Variants in NHLRC2 observed in about 807,000 individuals in gnomAD.
NHLRC2 encodes the protein NHL repeat containing 2.
A neutral mutation model predicts 68.1 loss-of-function variants in NHLRC2; 33 were observed. That is an observed-to-expected ratio of 0.48 (90% CI 0.37 to 0.65). The LOEUF is 0.65. NHLRC2 is among the 30% of genes least tolerant of loss of function. The pLI is 0.00. For synonymous variants in NHLRC2, 311 were observed against 309.6 expected, an observed-to-expected ratio of 1.00 and a Z score of -0.05; for missense variants, 761 against 853.8, an observed-to-expected ratio of 0.89 and a Z score of 1.35.
chr10:113,896,744 T>C (rs533745490), intron 5 of NHLRC2, among the ~76,000 whole-genome samples: 2 of 152,034 alleles, frequency 1.3e-5, no homozygotes, highest in Non-Finnish European at 2.9e-5. Flanking sequence ...CCTGTAATCC[T>C]AGCACTTTGG....
chr10:113,915,127 T>TTTGCCTGG lies in NHLRC2; in HGVS notation c.*6595_*6602dup, dbSNP rs1309516606. 2.2e-6 allele frequency: 1 copy of TTTGCCTGG among 456,310 alleles called. No homozygotes were observed. Among genetic ancestry groups the TTTGCCTGG allele is most frequent in the South Asian group, 1.5e-5 (1 of 64,568 alleles). The allele number at this position is 456,310 out of a possible 1,614,324, so 28.3% of individuals were successfully genotyped here. The stretch of plus-strand genomic sequence containing the variant: ...AACCCTAGACACTTGCTGTGGAATG[T>TTTGCCTGG]TTGCCTGGTTGTATTGGTGTGTCCC... On this transcript the variant is annotated 3_prime_UTR_variant, in exon 11 of 11. Transcript: ENST00000369301.
intron 2 of NHLRC2, among the ~76,000 whole-genome samples, chr10:113,860,662 G>A (rs1256510415): frequency 6.6e-6 from 1 of 151,992 alleles, no homozygotes; most frequent in Non-Finnish European, 1.5e-5. Context: ...TAACTAAAGG[G>A]AAATATGGAA....
At position 113,908,685 on chromosome 10, in the gene NHLRC2, A is replaced by G. The variant is rs1437291456; in HGVS notation, c.*149A>G. The G allele has an allele frequency of 8.7e-6, 6 of 688,072 alleles. No homozygotes were observed. Among genetic ancestry groups the G allele is most frequent in the African/African-American group, 1.8e-5 (1 of 55,512 alleles). 42.6% of individuals were successfully genotyped at this position (688,072 alleles called of 1,614,324 possible). A position where few individuals can be genotyped will look rare whatever the true frequency, so the allele number is the denominator to read the frequency against. On this transcript the variant is annotated 3_prime_UTR_variant, in exon 11 of 11. Transcript: ENST00000369301. ...AGACAACTGATATTAAAATAAAGCT[A>G]TGCTCCTTACTTACTTCTTTTATTA...
intron 2 of NHLRC2, among the ~76,000 whole-genome samples, chr10:113,862,552 C>T (rs188207658): frequency 2.5e-4 from 38 of 150,826 alleles, no homozygotes; most frequent in African/African-American, 9.2e-4. Flanking sequence ...AAACAAATAG[C>T]CAAATGACAG....
At chr10:113,895,850 T>C (rs188623890) in intron 5 of NHLRC2, among the ~76,000 whole-genome samples, 9 of 152,284 alleles carry the variant, frequency 5.9e-5, no homozygotes, top group Admixed American at 5.9e-4. Flanking sequence ...CACATTACCA[T>C]AGGAGTAATT....
At chr10:113,890,960 C>T (rs566960629) in intron 5 of NHLRC2, among the ~76,000 whole-genome samples, 36 of 152,046 alleles carry the variant, frequency 2.4e-4, no homozygotes, top group Non-Finnish European at 4.1e-4. Flanking sequence ...GGGGGAAGTG[C>T]CAGACAGTTA....
chr10:113,862,213 A>G (rs1405543020), intron 2 of NHLRC2, among the ~76,000 whole-genome samples: 1 of 152,116 alleles, frequency 6.6e-6, no homozygotes, highest in East Asian at 1.9e-4. Flanking sequence ...TAATGCATTA[A>G]AGTAATTATT....
intron 5 of NHLRC2, among the ~76,000 whole-genome samples, 174 bp downstream of exon 5, chr10:113,884,554 A>G (rs1348107486): frequency 1.3e-5 from 2 of 151,302 alleles, no homozygotes; most frequent in Middle Eastern, 3.2e-3. Flanking sequence ...TAATATAGAT[A>G]TATATATACT....
intron 3 of NHLRC2, among the ~76,000 whole-genome samples, chr10:113,877,632 T>C (rs753199648): frequency 6.6e-6 from 1 of 152,180 alleles, no homozygotes; most frequent in Admixed American, 6.5e-5. Flanking sequence ...ACTGAGTACA[T>C]TCTTATTAAT....
Position 113,855,116 on chromosome 10 carries a change from C to T in NHLRC2, c.178+66C>T, listed in dbSNP as rs1383193171. 9 of 1,402,534 alleles carry T rather than the reference C, an allele frequency of 6.4e-6. No individual in the cohort carries two copies. The African/African-American group carries it at 7.2e-5, about 11-fold the overall frequency. 86.9% of individuals were successfully genotyped at this position (1,402,534 alleles called of 1,614,324 possible). A position where few individuals can be genotyped will look rare whatever the true frequency, so the allele number is the denominator to read the frequency against. ...TCCCCTTCCTCGGGGACGGCGCCCT[C>T]CCGCGAAGCGGTGGGCTAGGCGGGT... On this transcript the variant is annotated intron_variant, in intron 1 of 10. Transcript: ENST00000369301.
In NHLRC2 at chr10:113,916,577, G is replaced by C. The variant is rs1310980894; in HGVS notation, c.*8041G>C. 6.6e-6 allele frequency: 1 copy of C among 152,110 alleles called. No individual in the cohort carries two copies. Among genetic ancestry groups the C allele is most frequent in the African/African-American group, 2.4e-5 (1 of 41,408 alleles). 9.4% of individuals were successfully genotyped at this position (152,110 alleles called of 1,614,324 possible). ...TTCTCACTGTTAAGTTGCATTGAGA[G>C]ACAATTAGAAATGTTGTAATTGTCA... On this transcript the variant is annotated 3_prime_UTR_variant, in exon 11 of 11. Transcript: ENST00000369301.
rs574800618 is a variant in NHLRC2 at position 113,864,714 on chromosome 10, A to G, written c.331+6034A>G. Among the ~76,000 whole-genome samples, 7 of 150,806 alleles carry G rather than the reference A, an allele frequency of 4.6e-5. No homozygotes were observed. In the East Asian group the frequency reaches 7.8e-4, roughly 17 times the overall value. ...CCGTCTAAAAAAAAAAAAAAACCAC[A>G]CACACACACAAAAATGGGTTTTTAA... On this transcript the variant is annotated intron_variant, in intron 2 of 10. Transcript: ENST00000369301.
At position 113,903,484 on chromosome 10, in the gene NHLRC2, G is replaced by A. The variant is rs770067873; in HGVS notation, c.1495-43G>A. The A allele has an allele frequency of 1.6e-5, 19 of 1,212,944 alleles. No individual in the cohort carries two copies. In the Admixed American group the frequency reaches 3.1e-4, roughly 20 times the overall value. The allele number at this position is 1,212,944 out of a possible 1,614,324, so 75.1% of individuals were successfully genotyped here. On this transcript the variant is annotated intron_variant, in intron 8 of 10. Coordinates refer to ENST00000369301, the MANE Select transcript of NHLRC2 (RefSeq NM_198514.4). Reference sequence around the variant, plus strand: ...ATACTCTTCCATACAACAAACATGAGATTGATCTTCAGTTATATAAGTTTT... The same window carrying A: ...ATACTCTTCCATACAACAAACATGAAATTGATCTTCAGTTATATAAGTTTT...
chr10:113,888,285 C>T (rs1030811038), intron 5 of NHLRC2, among the ~76,000 whole-genome samples: 4 of 152,206 alleles, frequency 2.6e-5, no homozygotes, highest in Admixed American at 1.3e-4. Flanking sequence ...GTGTATTTCA[C>T]AGCTGCTAAA....
chr10:113,888,505 A>G (rs1484491328), intron 5 of NHLRC2, among the ~76,000 whole-genome samples: 1 of 152,212 alleles, frequency 6.6e-6, no homozygotes, highest in East Asian at 1.9e-4. Context: ...TTTTAAATCT[A>G]CATGTAGTAT....
rs1172269890 is a variant in NHLRC2, at chr10:113,908,875, A to C, written c.*339A>C. The stretch of plus-strand genomic sequence containing the variant: ...TAAATACTGATAATAATAATACCAG[A>C]TATTTTAACTAACTTTTTCTACCTT... On this transcript the variant is annotated 3_prime_UTR_variant, in exon 11 of 11. Coordinates refer to ENST00000369301, the MANE Select transcript of NHLRC2 (RefSeq NM_198514.4). 5.2e-6 allele frequency: 1 copy of C among 191,684 alleles called. No homozygotes were observed. The highest frequency in any genetic ancestry group is 1.1e-5 in the Non-Finnish European group (1 of 93,094). The allele number at this position is 191,684 out of a possible 1,614,324, so 11.9% of individuals were successfully genotyped here. A position where few individuals can be genotyped will look rare whatever the true frequency, so the allele number is the denominator to read the frequency against.
Position 113,879,576 on chromosome 10 carries a change from C to T in NHLRC2, c.790C>T (p.Pro264Ser), listed in dbSNP as rs1257130434. ...NGQIQYSIGGPNPGRKDGIFS... is the reference protein window; with the variant it reads ...NGQIQYSIGGSNPGRKDGIFS... Reference sequence around the variant, plus strand: ...TGGCAAATTTTATCTTATTTTAGGACCCAACCCTGGAAGAAAAGATGGAAT... The same window carrying T: ...TGGCAAATTTTATCTTATTTTAGGATCCAACCCTGGAAGAAAAGATGGAAT... The change falls in exon 4 of 11, where the codon CCC becomes TCC. Residue 264 changes from proline to serine, a missense_variant and splice_region_variant. By Grantham distance (74) the Pro-to-Ser change is moderately conservative (BLOSUM62 -1). Transcript: ENST00000369301. 6.2e-7 allele frequency: 1 copy of T among 1,600,390 alleles called. No individual in the cohort carries two copies. Among genetic ancestry groups the T allele is most frequent in the Non-Finnish European group, 8.5e-7 (1 of 1,173,942 alleles).
At chr10:113,864,475 G>A (rs1428314003) in intron 2 of NHLRC2, among the ~76,000 whole-genome samples, 14 of 152,104 alleles carry the variant, frequency 9.2e-5, no homozygotes, top group South Asian at 2.1e-4. Context: ...CAAGGCAGGC[G>A]GATCATGAGG....
Position 113,908,759 on chromosome 10 carries a change from C to T in NHLRC2, c.*223C>T. The T allele has an allele frequency of 1.8e-6, 1 of 548,874 alleles. No homozygotes were observed. Among genetic ancestry groups the T allele is most frequent in the Non-Finnish European group, 3.2e-6 (1 of 308,014 alleles). 34.0% of individuals were successfully genotyped at this position (548,874 alleles called of 1,614,324 possible). On this transcript the variant is annotated 3_prime_UTR_variant, in exon 11 of 11. Transcript: ENST00000369301. Reference sequence around the variant, plus strand: ...TGATACTAGCTGAGTCATTGATCATCATTGGTACCATGATATTGTAATCTA... The same window carrying T: ...TGATACTAGCTGAGTCATTGATCATTATTGGTACCATGATATTGTAATCTA...
Sources: allele counts gnomAD v4.1 joint callset (sites outside exome capture counted in the v4.1 genomes callset), GRCh38; gene constraint gnomAD v4.1.1; transcripts MANE v1.5; gene names NCBI Gene and HGNC (gene_info 2026-07-23, HGNC 2026-07-21).